POC1B: variants seen among roughly 807,000 people sequenced by gnomAD.
The protein encoded by POC1B is POC1 centriolar protein B, also known as POC1 centriolar protein homolog B.
A neutral mutation model predicts 60.6 loss-of-function variants in POC1B; 44 were observed. The observed-to-expected ratio is 0.73, with a 90% CI of 0.57 to 0.93. The LOEUF (loss-of-function observed/expected upper bound fraction) is 0.93. Among genes scored for constraint, POC1B ranks in the 40% least tolerant of loss-of-function variants. POC1B has a pLI of 0.00. For synonymous variants in POC1B, 180 were observed against 198.9 expected (o/e 0.90, Z 0.80); for missense variants, 555 against 572.3 (o/e 0.97, Z 0.31).
intron 10 of POC1B, among the ~76,000 whole-genome samples, chr12:89,435,814 T>C (rs1881233476): frequency 6.6e-6 from 1 of 152,180 alleles, no homozygotes; most frequent in African/African-American, 2.4e-5. Flanking sequence ...AAAGAGAATA[T>C]GAGCTAGATT....
intron 3 of POC1B, among the ~76,000 whole-genome samples, chr12:89,495,745 T>C (rs969174715): frequency 6.6e-6 from 1 of 152,120 alleles, no homozygotes; most frequent in Non-Finnish European, 1.5e-5. Flanking sequence ...ATTTATTGTG[T>C]ACTTTATTCG....
chr12:89,425,079 T>C, intron 11 of POC1B, 82 bp downstream of exon 11: 1 of 1,400,198 alleles, frequency 7.1e-7, no homozygotes, highest in Non-Finnish European at 1.0e-6. Context: ...CCTGCTCTGC[T>C]AGTTCTGCAA....
the POC1B span, among the ~76,000 whole-genome samples, chr12:89,413,507 C>G: frequency 6.6e-6 from 1 of 152,136 alleles, no homozygotes; most frequent in Admixed American, 6.5e-5. Context: ...TGTTTTTATT[C>G]TAAAATACTC....
intron 2 of POC1B, chr12:89,524,390 T>A: frequency 6.2e-7 from 1 of 1,614,028 alleles, no homozygotes. Context: ...TCCGTATTTT[T>A]CTGGAGGTCT....
intron 2 of POC1B, among the ~76,000 whole-genome samples, chr12:89,511,015 A>T (rs748705051): frequency 1.3e-5 from 2 of 151,748 alleles, no homozygotes; most frequent in Non-Finnish European, 2.9e-5. Context: ...TCGGCCCCCC[A>T]AAGTGCTGGG....
rs577356891 is a variant in POC1B, at chr12:89,447,436, G to T, written c.1113+12202C>A. Among the ~76,000 whole-genome samples, 37 of 151,938 alleles carry T rather than the reference G, an allele frequency of 2.4e-4. 1 individual carries two copies. Among genetic ancestry groups the T allele is most frequent in the Admixed American group, 2.4e-3 (37 of 15,266 alleles). On this transcript the variant is annotated intron_variant, in intron 10 of 11. Coordinates refer to ENST00000313546, the MANE Select transcript of POC1B (RefSeq NM_172240.3). ...TTTTTTCAGTAATTTTACTGTGTAC[G>T]GAACTGTACAAAAAGTACACAAAAT... is the stretch of plus-strand genomic sequence containing the variant.
intron 4 of POC1B, among the ~76,000 whole-genome samples, chr12:89,481,754 A>T (rs1223161333): frequency 6.6e-6 from 1 of 152,226 alleles, no homozygotes; most frequent in East Asian, 1.9e-4. Context: ...GGAGGCTGTG[A>T]ACAGAGCAAA....
At chr12:89,503,595 A>G (rs1312390750) in intron 2 of POC1B, among the ~76,000 whole-genome samples, 1 of 150,800 alleles carries the variant, frequency 6.6e-6, no homozygotes, top group African/African-American at 2.4e-5. Context: ...GGAAGTGAGG[A>G]GCGTCTCTGC....
At chr12:89,459,112 T>C (rs536772167) in intron 10 of POC1B, among the ~76,000 whole-genome samples, 21 of 152,114 alleles carry the variant, frequency 1.4e-4, no homozygotes, top group East Asian at 5.8e-4. Flanking sequence ...AATAACACAA[T>C]AGGGAATCTG....
intron 9 of POC1B, among the ~76,000 whole-genome samples, chr12:89,466,414 T>G (rs1565737095): frequency 6.6e-6 from 1 of 152,184 alleles, no homozygotes; most frequent in Non-Finnish European, 1.5e-5. Flanking sequence ...CCTATTTCAA[T>G]AACCATTATA....
chr12:89,425,066 T>C (rs917488786), intron 11 of POC1B, 95 bp downstream of exon 11: 18 of 1,272,718 alleles, frequency 1.4e-5, no homozygotes, highest in Non-Finnish European at 2.0e-5. Flanking sequence ...TAGAGAAATC[T>C]CCCCTGCTCT....
At chr12:89,523,125 A>G (rs1301660979) in intron 2 of POC1B, 5 of 1,613,992 alleles carry the variant, frequency 3.1e-6, no homozygotes. Flanking sequence ...CATGGCATCC[A>G]AACAGTGAAA....
chr12:89,507,463 A>G (rs2135754786), intron 2 of POC1B, among the ~76,000 whole-genome samples: 1 of 152,172 alleles, frequency 6.6e-6, no homozygotes, highest in South Asian at 2.1e-4. Flanking sequence ...ATTAAACCAC[A>G]CCCTATATAA....
At chr12:89,427,763 T>A (rs1880834445) in intron 10 of POC1B, 1 of 152,202 alleles carries the variant, frequency 6.6e-6, no homozygotes, top group Non-Finnish European at 1.5e-5. Flanking sequence ...TAGTATCACT[T>A]CGAGTTACTC....
intron 2 of POC1B, among the ~76,000 whole-genome samples, chr12:89,519,096 C>A (rs911796864): frequency 6.6e-6 from 1 of 151,936 alleles, no homozygotes; most frequent in Non-Finnish European, 1.5e-5. Context: ...TGTTTTCCAC[C>A]CAGGGTAGTG....
rs1341227316 is a variant in POC1B, at chr12:89,420,560, A to G, written c.*593T>C. 1 of 152,260 alleles carries G rather than the reference A, an allele frequency of 6.6e-6. No homozygotes were observed. The highest frequency in any genetic ancestry group is 2.4e-5 in the African/African-American group (1 of 41,464). The allele number at this position is 152,260 out of a possible 1,614,324, so 9.4% of individuals were successfully genotyped here. A position where few individuals can be genotyped will look rare whatever the true frequency, so the allele number is the denominator to read the frequency against. On this transcript the variant is annotated 3_prime_UTR_variant, in exon 12 of 12. Coordinates refer to ENST00000313546, the MANE Select transcript of POC1B (RefSeq NM_172240.3). ...ACTAAAAAACCCACTGCCCTATGCT[A>G]TATCTGTGCTATTGTTAATTAAAAT...
chr12:89,498,370 T>C (rs953819649), intron 2 of POC1B, among the ~76,000 whole-genome samples: 7 of 152,148 alleles, frequency 4.6e-5, no homozygotes, highest in Admixed American at 1.3e-4. Context: ...AAAAACAAAT[T>C]TTATTATATG....
intron 10 of POC1B, among the ~76,000 whole-genome samples, chr12:89,442,523 A>C (rs1487760920): frequency 6.6e-6 from 1 of 152,226 alleles, no homozygotes; most frequent in Non-Finnish European, 1.5e-5. Context: ...TAAGTGAAGG[A>C]AAAATAAAAT....
chr12:89,517,505 C>T lies in POC1B; in HGVS notation c.100+7615G>A, dbSNP rs552589810. ...AAAATTAGCCAGGCATTATGGCATG[C>T]ACCTATAGTCCCAGCTACTTGGGAG... On this transcript the variant is annotated intron_variant, in intron 2 of 11. Coordinates refer to ENST00000313546, the MANE Select transcript of POC1B (RefSeq NM_172240.3). Among the ~76,000 whole-genome samples the T allele has an allele frequency of 4.6e-5, 7 of 152,130 alleles. No individual in the cohort carries two copies. In the South Asian group the frequency reaches 1.5e-3, roughly 32 times the overall value.
Sources: allele counts gnomAD v4.1 joint callset (sites outside exome capture counted in the v4.1 genomes callset), GRCh38; gene constraint gnomAD v4.1.1; transcripts MANE v1.5; gene names NCBI Gene and HGNC (gene_info 2026-07-23, HGNC 2026-07-21).